FMN1: variants seen among roughly 807,000 people sequenced by gnomAD.
The protein encoded by FMN1 is formin 1, also known as formin-1.
A neutral mutation model predicts 132.4 loss-of-function variants in FMN1; 110 were observed. That is an observed-to-expected ratio of 0.83 (90% CI 0.71 to 0.97). The LOEUF (loss-of-function observed/expected upper bound fraction) is 0.97. Ranked by LOEUF, FMN1 falls within the 50% of genes least tolerant of loss-of-function variation. The pLI is 0.00. For missense variants in FMN1, 1,792 were observed against 1,705.3 expected, an observed-to-expected ratio of 1.05 and a Z score of -0.90; for synonymous variants, 722 against 651.7, an observed-to-expected ratio of 1.11 and a Z score of -1.64.
chr15:32,962,271 C>T (rs546864138), intron 9 of FMN1, among the ~76,000 whole-genome samples: 3 of 152,110 alleles, frequency 2.0e-5, no homozygotes, highest in South Asian at 2.1e-4. Flanking sequence ...ATTGGAAAGT[C>T]GAAAACTGGC....
intron 4 of FMN1, among the ~76,000 whole-genome samples, chr15:33,111,033 T>G (rs892646847): frequency 6.6e-6 from 1 of 152,160 alleles, no homozygotes; most frequent in African/African-American, 2.4e-5. Context: ...ATTCAAATGT[T>G]AGTTTTACAT....
intron 6 of FMN1, among the ~76,000 whole-genome samples, chr15:33,010,325 G>T (rs1036732972): frequency 1.8e-4 from 28 of 152,060 alleles, no homozygotes; most frequent in African/African-American, 6.5e-4. Context: ...TGGGGAGGGG[G>T]TTGACTGCAA....
intron 17 of FMN1, among the ~76,000 whole-genome samples, chr15:32,830,831 C>T (rs528718594): frequency 2.9e-4 from 44 of 152,200 alleles, no homozygotes; most frequent in East Asian, 1.9e-4. Context: ...GTAGGAGCAG[C>T]GAGGGCCCTG....
At chr15:33,138,925 G>A (rs183233758) in intron 4 of FMN1, among the ~76,000 whole-genome samples, 7 of 149,440 alleles carry the variant, frequency 4.7e-5, no homozygotes. Context: ...AGTTCTTCAT[G>A]AAGTAATGAT....
intron 7 of FMN1, among the ~76,000 whole-genome samples, chr15:32,971,361 T>C (rs942865230): frequency 9.2e-5 from 14 of 152,160 alleles, no homozygotes; most frequent in African/African-American, 3.1e-4. Flanking sequence ...TAGGAAAAGC[T>C]CAAAATCAGG....
chr15:33,035,803 A>G (rs1209044395), intron 6 of FMN1, among the ~76,000 whole-genome samples: 4 of 152,232 alleles, frequency 2.6e-5, no homozygotes, highest in Admixed American at 2.0e-4. Context: ...AACATAGCCC[A>G]CAATGTGGCA....
rs1191024742 is a variant in FMN1, at chr15:32,814,982, G to A, written c.3929-10650C>T. 3.9e-5 allele frequency among the ~76,000 whole-genome samples: 6 copies of A among 151,948 alleles called. No individual in the cohort carries two copies. The East Asian group carries it at 7.8e-4, about 20-fold the overall frequency. ...TTTTGAGACAGAGTCTCGCTCTGTC[G>A]CCCAGACTGGAGTGCAGTGGTGCGA... On this transcript the variant is annotated intron_variant, in intron 17 of 20. Coordinates refer to ENST00000616417, the MANE Select transcript of FMN1 (RefSeq NM_001277313.2).
At position 33,153,032 on chromosome 15, in the gene FMN1, T is replaced by C. The variant is rs770489626; in HGVS notation, c.1867+16A>G. The C allele has an allele frequency of 3.3e-6, 5 of 1,493,418 alleles. No homozygotes were observed. Among genetic ancestry groups the C allele is most frequent in the Non-Finnish European group, 4.4e-6 (5 of 1,128,944 alleles). 92.5% of individuals were successfully genotyped at this position (1,493,418 alleles called of 1,614,324 possible). A position where few individuals can be genotyped will look rare whatever the true frequency, so the allele number is the denominator to read the frequency against. The stretch of plus-strand genomic sequence containing the variant: ...CAGCCAAGAATAGATTCAAAGCATC[T>C]TAAACAGAGACTAACCTGGAGGTGA... On this transcript the variant is annotated intron_variant, in intron 4 of 20. Transcript: ENST00000616417.
chr15:32,816,208 G>C lies in FMN1; in HGVS notation c.3929-11876C>G, dbSNP rs908708172. ...AGTAATACGTGTATCCCTACAGTAA[G>C]CTCCCAAGGATTAAAGCACACTTCC... On this transcript the variant is annotated intron_variant, in intron 17 of 20. Transcript: ENST00000616417. 1.3e-5 allele frequency among the ~76,000 whole-genome samples: 2 copies of C among 152,226 alleles called. 1 individual carries two copies. The highest frequency in any genetic ancestry group is 4.1e-4 in the South Asian group (2 of 4,826).
chr15:33,005,312 A>G (rs1371443750), intron 7 of FMN1, among the ~76,000 whole-genome samples: 2 of 152,210 alleles, frequency 1.3e-5, no homozygotes, highest in Non-Finnish European at 2.9e-5. Flanking sequence ...ATGTGGGGCA[A>G]CAACAGTTGT....
chr15:33,187,588 C>T (rs145440641), intron 2 of FMN1, among the ~76,000 whole-genome samples: 310 of 152,306 alleles, frequency 2.0e-3, no homozygotes, highest in Middle Eastern at 6.8e-3. Context: ...GTGGGTCAAG[C>T]TCCAATGGGA....
rs1364762932 is a variant in FMN1 at position 32,899,980 on chromosome 15, C to T, written c.3653G>A (p.Arg1218Gln). 11 of 1,612,210 alleles carry T rather than the reference C, an allele frequency of 6.8e-6. No individual in the cohort carries two copies. Among genetic ancestry groups the T allele is most frequent in the African/African-American group, 6.7e-5 (5 of 74,804 alleles). Residue 1218 changes from arginine to glutamine, a missense_variant and splice_region_variant, in exon 14 of 21, where the codon CGG becomes CAG. Physicochemically the swap from Arg to Gln is conservative, Grantham distance 43. This residue lies in a region of FMN1 where 1,150 missense variants were observed against 1,043.1 expected (regional missense o/e 1.10). Coordinates refer to ENST00000616417, the MANE Select transcript of FMN1 (RefSeq NM_001277313.2). ...ILPKLKDVKSRDNGINLVDYV... is the reference protein window; with the variant it reads ...ILPKLKDVKSQDNGINLVDYV... ...GAACTTATTATGAAAAATAAATACC[C>T]GACTTTTGACATCCTTGAGTTTGGG...
At chr15:32,888,041 G>A in intron 16 of FMN1, 131 bp downstream of exon 16, 1 of 658,280 alleles carries the variant, frequency 1.5e-6, no homozygotes, top group Non-Finnish European at 2.3e-6. Context: ...AAAGTTTCCT[G>A]AAAGCTGTAG....
chr15:32,836,560 A>G lies in FMN1; in HGVS notation c.3928+20455T>C, dbSNP rs183409147. 6.1e-3 allele frequency among the ~76,000 whole-genome samples: 929 copies of G among 152,294 alleles called. 6 individuals are homozygous for G. Among genetic ancestry groups the G allele is most frequent in the African/African-American group, 0.021 (861 of 41,552 alleles). The stretch of plus-strand genomic sequence containing the variant: ...CTTTCTCCCCAGAACCGAGGCCTTC[A>G]TATTTTTCTCCCTAAGCTGTATATG... On this transcript the variant is annotated intron_variant, in intron 17 of 20. Transcript: ENST00000616417.
chr15:32,776,798 T>C (rs1177634834), intron 20 of FMN1, 37 bp downstream of exon 20: 1 of 1,329,348 alleles, frequency 7.5e-7, no homozygotes, highest in Admixed American at 2.0e-5. Context: ...TCAATTTTCA[T>C]GACAATCGTT....
chr15:33,193,603 T>A (rs1429466346), intron 2 of FMN1, among the ~76,000 whole-genome samples: 1 of 152,176 alleles, frequency 6.6e-6, no homozygotes, highest in Admixed American at 6.5e-5. Flanking sequence ...CATTCACCTC[T>A]CAGTGACTGC....
At chr15:32,989,359 T>C (rs2033288771) in intron 7 of FMN1, among the ~76,000 whole-genome samples, 1 of 152,148 alleles carries the variant, frequency 6.6e-6, no homozygotes, top group Non-Finnish European at 1.5e-5. Context: ...GAGGAAGCCT[T>C]AGGGAATTAG....
At chr15:33,017,250 G>A (rs970472779) in intron 6 of FMN1, among the ~76,000 whole-genome samples, 7 of 152,206 alleles carry the variant, frequency 4.6e-5, no homozygotes, top group South Asian at 2.1e-4. Context: ...TAGTTGATAC[G>A]GGTCATACAT....
chr15:33,037,343 G>A (rs371164777), intron 6 of FMN1, among the ~76,000 whole-genome samples: 9 of 152,234 alleles, frequency 5.9e-5, no homozygotes, highest in African/African-American at 2.2e-4. Context: ...GCTGATCTGA[G>A]TTTGGGTGAG....
Sources: allele counts gnomAD v4.1 joint callset (sites outside exome capture counted in the v4.1 genomes callset), GRCh38; gene constraint gnomAD v4.1.1; regional missense constraint gnomAD v4.1.1; transcripts MANE v1.5; gene names NCBI Gene and HGNC (gene_info 2026-07-23, HGNC 2026-07-21).